GAPVD1: variants seen among roughly 807,000 people sequenced by gnomAD.
GAPVD1 encodes GTPase activating protein and VPS9 domains 1, also known as GTPase-activating protein and VPS9 domain-containing protein 1.
Under a neutral mutation model 155.5 loss-of-function variants are expected in GAPVD1, and 35 were observed. The ratio of observed to expected loss-of-function variants is 0.23; its 90% CI spans 0.17 to 0.30. The LOEUF (loss-of-function observed/expected upper bound fraction) is 0.30. GAPVD1 is among the 10% of genes least tolerant of loss of function. The pLI, the probability that GAPVD1 is intolerant of heterozygous loss-of-function variation, is 1.00. For synonymous variants in GAPVD1, 636 were observed against 619.7 expected (o/e 1.03, Z -0.39); for missense variants, 1,429 against 1,775.7 (o/e 0.80, Z 3.51).
chr9:125,332,807 C>G (rs1259147841), intron 15 of GAPVD1, among the ~76,000 whole-genome samples, 178 bp downstream of exon 15: 13 of 152,138 alleles, frequency 8.5e-5, no homozygotes, highest in Admixed American at 8.5e-4. Context: ...AGTTCCACTT[C>G]TAGGTGTCAG....
Position 125,362,774 on chromosome 9 carries a change from G to A in GAPVD1, c.*28G>A. On this transcript the variant is annotated 3_prime_UTR_variant, in exon 28 of 28. Coordinates refer to ENST00000297933, the MANE Select transcript of GAPVD1 (RefSeq NM_001282680.3). ...AAGACCAAGGCCCACCAAGGCAGCA[G>A]ACTGTTAATCAGACAAACAGATCTC... 6.2e-7 allele frequency: 1 copy of A among 1,606,880 alleles called. No homozygotes were observed. The highest frequency in any genetic ancestry group is 8.5e-7 in the Non-Finnish European group (1 of 1,176,148).
intron 2 of GAPVD1, among the ~76,000 whole-genome samples, chr9:125,286,871 G>T (rs1837787464): frequency 6.6e-6 from 1 of 151,772 alleles, no homozygotes; most frequent in Admixed American, 6.6e-5. Flanking sequence ...ATCACCTGAG[G>T]TCATGAGTTT....
At chr9:125,302,855 G>A in intron 5 of GAPVD1, 29 bp downstream of exon 5, 4 of 1,549,836 alleles carry the variant, frequency 2.6e-6, no homozygotes, top group Non-Finnish European at 3.5e-6. Context: ...TATTAACGTG[G>A]CATTTAGTTT....
intron 4 of GAPVD1, among the ~76,000 whole-genome samples, chr9:125,300,321 A>G (rs1840674637): frequency 6.7e-6 from 1 of 149,618 alleles, no homozygotes; most frequent in African/African-American, 2.5e-5. Context: ...AGCTGGGATT[A>G]CAGACTTGTG....
At chr9:125,335,126 A>G (rs1846692090) in intron 15 of GAPVD1, 1 of 729,408 alleles carries the variant, frequency 1.4e-6, no homozygotes, top group Non-Finnish European at 2.5e-6. Flanking sequence ...TGAAAAGGCT[A>G]CTAACATATT....
At chr9:125,274,559 GT>G (rs1279524272) in intron 2 of GAPVD1, among the ~76,000 whole-genome samples, 1 of 150,682 alleles carries the variant, frequency 6.6e-6, no homozygotes, top group Non-Finnish European at 1.5e-5. Context: ...TGCCTCCCGG[GT>G]TCAAGCGATT....
At chr9:125,361,518 C>T (rs1203787592) in intron 27 of GAPVD1, among the ~76,000 whole-genome samples, 1 of 149,876 alleles carries the variant, frequency 6.7e-6, no homozygotes, top group African/African-American at 2.5e-5. Flanking sequence ...AGTGAGACTC[C>T]ATCTTAAAAA....
rs1019743777 is a variant in GAPVD1, at chr9:125,363,262, A to G, written c.*516A>G. ...AAAGCTAAGAAGGAAATGTAAATAT[A>G]ATATATATTTATATTTGATGTAATA... On this transcript the variant is annotated 3_prime_UTR_variant, in exon 28 of 28. Coordinates refer to ENST00000297933, the MANE Select transcript of GAPVD1 (RefSeq NM_001282680.3). 1.3e-5 allele frequency: 2 copies of G among 152,104 alleles called. No individual in the cohort carries two copies. The highest frequency in any genetic ancestry group is 1.5e-5 in the Non-Finnish European group (1 of 68,044). The allele number at this position is 152,104 out of a possible 1,614,324, so 9.4% of individuals were successfully genotyped here. A position where few individuals can be genotyped will look rare whatever the true frequency, so the allele number is the denominator to read the frequency against.
intron 9 of GAPVD1, among the ~76,000 whole-genome samples, chr9:125,313,090 G>A (rs1339921868): frequency 6.6e-6 from 1 of 152,052 alleles, no homozygotes. Context: ...AAAGTGCTGA[G>A]ATTACAGGTG....
chr9:125,358,522 C>T (rs1850441853), intron 25 of GAPVD1, among the ~76,000 whole-genome samples: 1 of 152,076 alleles, frequency 6.6e-6, no homozygotes. Context: ...CCCAGGGGTC[C>T]GTGTAATAGG....
intron 9 of GAPVD1, 131 bp downstream of exon 9, chr9:125,312,743 G>T (rs899639778): frequency 3.3e-6 from 2 of 611,136 alleles, no homozygotes; most frequent in African/African-American, 1.9e-5. Flanking sequence ...AGGCCAGGAA[G>T]TCTATAGTCA....
At chr9:125,264,054 C>T in intron 1 of GAPVD1, 2 of 1,013,234 alleles carry the variant, frequency 2.0e-6, no homozygotes, top group Non-Finnish European at 3.1e-6. Context: ...ATGACTCCCT[C>T]CTTAAAAAGG....
At position 125,294,745 on chromosome 9, in the gene GAPVD1, A is replaced by T. The variant is rs1049325216; in HGVS notation, c.-149-713A>T. Among the ~76,000 whole-genome samples, 5 of 150,052 alleles carry T rather than the reference A, an allele frequency of 3.3e-5. No individual in the cohort carries two copies. In the South Asian group the frequency reaches 1.1e-3, roughly 32 times the overall value. On this transcript the variant is annotated intron_variant, in intron 2 of 27. Coordinates refer to ENST00000297933, the MANE Select transcript of GAPVD1 (RefSeq NM_001282680.3). ...TCTGAAATTCTGTCTTGATATTCAGATGTTTTGCAGGTAGAGGAAATAAAG... is the reference window on the plus strand; with the variant it reads ...TCTGAAATTCTGTCTTGATATTCAGTTGTTTTGCAGGTAGAGGAAATAAAG...
intron 2 of GAPVD1, among the ~76,000 whole-genome samples, chr9:125,274,888 T>C (rs1007103862): frequency 6.6e-6 from 1 of 152,154 alleles, no homozygotes; most frequent in African/African-American, 2.4e-5. Flanking sequence ...TAGCCAAAGA[T>C]TGCACAGCTA....
At chr9:125,310,356 C>T (rs1274471823) in intron 8 of GAPVD1, among the ~76,000 whole-genome samples, 2 of 152,044 alleles carry the variant, frequency 1.3e-5, no homozygotes, top group Non-Finnish European at 2.9e-5. Flanking sequence ...ATATTTCTGC[C>T]TCTGTCTTCA....
At chr9:125,341,859 C>G in intron 18 of GAPVD1, 1 of 165,222 alleles carries the variant, frequency 6.1e-6, no homozygotes, top group East Asian at 1.8e-4. Flanking sequence ...CGGTGGCACT[C>G]AGGAACTCTG....
intron 1 of GAPVD1, chr9:125,264,177 A>C: frequency 1.5e-6 from 1 of 662,040 alleles, no homozygotes; most frequent in South Asian, 1.6e-5. Context: ...AAAAATTTGG[A>C]TGGGATCAGG....
intron 2 of GAPVD1, among the ~76,000 whole-genome samples, chr9:125,292,005 G>A (rs1361433580): frequency 6.6e-6 from 1 of 152,120 alleles, no homozygotes; most frequent in East Asian, 1.9e-4. Context: ...ACTTTAGGAG[G>A]CTGAGGTGGG....
intron 1 of GAPVD1, among the ~76,000 whole-genome samples, chr9:125,265,033 A>G (rs1344203269): frequency 2.0e-5 from 3 of 152,104 alleles, no homozygotes; most frequent in Non-Finnish European, 4.4e-5. Flanking sequence ...TACATTTTTT[A>G]AAAGACAAAA....
Sources: allele counts gnomAD v4.1 joint callset (sites outside exome capture counted in the v4.1 genomes callset), GRCh38; gene constraint gnomAD v4.1.1; transcripts MANE v1.5; gene names NCBI Gene and HGNC (gene_info 2026-07-23, HGNC 2026-07-21).